GPR146: variants seen among roughly 807,000 people sequenced by gnomAD.
GPR146 encodes G-protein coupled receptor 146.
For synonymous variants in GPR146, 203 were observed against 104.3 expected, an observed-to-expected ratio of 1.95 and a Z score of -5.77; for missense variants, 381 against 213.9, an observed-to-expected ratio of 1.78 and a Z score of -4.87.
chr7:1,050,524 GC>G (rs1273680274), intron 1 of GPR146, among the ~76,000 whole-genome samples: 1 of 152,248 alleles, frequency 6.6e-6, no homozygotes, highest in Non-Finnish European at 1.5e-5. Flanking sequence ...CAAGTCCTGA[GC>G]CTGGGGCTCC....
At chr7:1,056,814 G>C (rs530099552) in intron 1 of GPR146, 28 of 143,576 alleles carry the variant, frequency 2.0e-4, no homozygotes, top group African/African-American at 7.0e-4. Flanking sequence ...TGGACATCAG[G>C]CTTCCCGAGA....
At chr7:1,046,482 T>G (rs1371500638) in intron 1 of GPR146, among the ~76,000 whole-genome samples, 3 of 152,170 alleles carry the variant, frequency 2.0e-5, no homozygotes, top group Non-Finnish European at 4.4e-5. Context: ...GCTGTCCAGT[T>G]AGCCCACATC....
At chr7:1,047,910 A>G (rs1782731374) in intron 1 of GPR146, among the ~76,000 whole-genome samples, 1 of 152,208 alleles carries the variant, frequency 6.6e-6, no homozygotes, top group African/African-American at 2.4e-5. Context: ...ACGTCACTGA[A>G]TACATCCCCT....
chr7:1,046,977 G>A (rs1416060098), intron 1 of GPR146, among the ~76,000 whole-genome samples: 1 of 152,264 alleles, frequency 6.6e-6, no homozygotes, highest in East Asian at 1.9e-4. Context: ...AGGAGCCCCG[G>A]CAGGTGCCAA....
chr7:1,057,708 T>A lies in GPR146; in HGVS notation c.193T>A (p.Tyr65Asn), dbSNP rs765028265. 3.0e-5 allele frequency: 23 copies of A among 775,718 alleles called. No individual in the cohort carries two copies. Among genetic ancestry groups the A allele is most frequent in the Non-Finnish European group, 5.3e-5 (22 of 417,430 alleles). The allele number at this position is 775,718 out of a possible 1,614,324, so 48.1% of individuals were successfully genotyped here. A position where few individuals can be genotyped will look rare whatever the true frequency, so the allele number is the denominator to read the frequency against. ...GGCCAGCATGACCATGCCGGACGTG[T>A]ACTTTGTCAACATGGCAGTGGCAGG... ...SKASMTMPDV[Y>N]FVNMAVAGLV... The change falls in exon 2 of 2, where the codon TAC (tyrosine) becomes AAC (asparagine). Residue 65 changes from tyrosine to asparagine, a missense_variant. Coordinates refer to ENST00000444847, the MANE Select transcript of GPR146 (RefSeq NM_001303473.2).
intron 1 of GPR146, among the ~76,000 whole-genome samples, chr7:1,046,958 GCTCGA>G (rs1386881958): frequency 9.8e-5 from 15 of 152,352 alleles, no homozygotes; most frequent in Non-Finnish European, 1.8e-4. Context: ...GTAAACCGGG[GCTCGA>G]CTGAGGAGCC....
At chr7:1,055,120 T>C (rs959102349) in intron 1 of GPR146, among the ~76,000 whole-genome samples, 4 of 152,080 alleles carry the variant, frequency 2.6e-5, no homozygotes, top group African/African-American at 9.7e-5. Context: ...TGAGCCAGGC[T>C]ATCAGAAAGG....
In GPR146 at chr7:1,044,625, G is replaced by C. The variant is rs1782399608; in HGVS notation, c.-58G>C. ...TCCGCCAGCCCGAGCTGCCCGCCCG[G>C]CGGCGACTGCGCCGGCCGCCGCCCA... On this transcript the variant is annotated 5_prime_UTR_variant, in exon 1 of 2. Transcript: ENST00000444847. 6.6e-6 allele frequency: 1 copy of C among 151,512 alleles called. No individual in the cohort carries two copies. Among genetic ancestry groups the C allele is most frequent in the African/African-American group, 2.4e-5 (1 of 41,364 alleles). 9.4% of individuals were successfully genotyped at this position (151,512 alleles called of 1,614,324 possible). A position where few individuals can be genotyped will look rare whatever the true frequency, so the allele number is the denominator to read the frequency against.
intron 1 of GPR146, among the ~76,000 whole-genome samples, chr7:1,054,189 G>C (rs1783475693): frequency 1.3e-5 from 2 of 152,210 alleles, no homozygotes; most frequent in African/African-American, 4.8e-5. Flanking sequence ...GGTAAAAGGA[G>C]GGCTCCAGGG....
In GPR146 at chr7:1,058,869, T is replaced by G. The variant is rs1012604327; in HGVS notation, c.*352T>G. Reference sequence around the variant, plus strand: ...TATACTTTGTGGTTAAAATACTTGATTCCCCCTTGTTTGTTTTACAAAAAC... The same window carrying G: ...TATACTTTGTGGTTAAAATACTTGAGTCCCCCTTGTTTGTTTTACAAAAAC... On this transcript the variant is annotated 3_prime_UTR_variant, in exon 2 of 2. Coordinates refer to ENST00000444847, the MANE Select transcript of GPR146 (RefSeq NM_001303473.2). 4.3e-6 allele frequency: 1 copy of G among 231,678 alleles called. No homozygotes were observed. The highest frequency in any genetic ancestry group is 9.2e-6 in the Non-Finnish European group (1 of 108,772). 14.4% of individuals were successfully genotyped at this position (231,678 alleles called of 1,614,324 possible).
chr7:1,057,789 T>G lies in GPR146; in HGVS notation c.274T>G (p.Trp92Gly). Residue 92 changes from tryptophan to glycine, a missense_variant, in exon 2 of 2, where the codon TGG (tryptophan) becomes GGG (glycine). Trp to Gly is a radical substitution (Grantham distance 184). Transcript: ENST00000444847. ...CCTGCTCGGCCCCCCGAGCTCCCGGTGGGCGCTGTGGAGTGTGGGCGGCGA... is the reference window on the plus strand; with the variant it reads ...CCTGCTCGGCCCCCCGAGCTCCCGGGGGGCGCTGTGGAGTGTGGGCGGCGA... ...VHLLGPPSSR[W>G]ALWSVGGEVH... 3.9e-6 allele frequency: 3 copies of G among 776,044 alleles called. No individual in the cohort carries two copies. Among genetic ancestry groups the G allele is most frequent in the Non-Finnish European group, 7.2e-6 (3 of 417,816 alleles). 48.1% of individuals were successfully genotyped at this position (776,044 alleles called of 1,614,324 possible).
intron 1 of GPR146, chr7:1,055,563 G>A: frequency 2.4e-6 from 1 of 411,246 alleles, no homozygotes; most frequent in Non-Finnish European, 4.9e-6. Context: ...GGGACGTGGG[G>A]GACTCTGTGC....
At chr7:1,057,236 G>T (rs1783902514) in intron 1 of GPR146, among the ~76,000 whole-genome samples, 2 of 152,144 alleles carry the variant, frequency 1.3e-5, no homozygotes, top group African/African-American at 4.8e-5. Context: ...GAGAATGTGG[G>T]GCACACCAGG....
Position 1,052,242 on chromosome 7 carries a change from G to A in GPR146, c.-24-5250G>A, listed in dbSNP as rs566715806. On this transcript the variant is annotated intron_variant, in intron 1 of 1. Coordinates refer to ENST00000444847, the MANE Select transcript of GPR146 (RefSeq NM_001303473.2). This position sits in a 1 kb window ranked among gnomAD's most constrained non-coding sequence, Gnocchi z 4.2. Reference sequence around the variant, plus strand: ...GAGGAGCCTCTGAGCAGGCGCCTGCGTCGAGGCGTGCCCTCCTGAGAGGCA... The same window carrying A: ...GAGGAGCCTCTGAGCAGGCGCCTGCATCGAGGCGTGCCCTCCTGAGAGGCA... 2.0e-5 allele frequency among the ~76,000 whole-genome samples: 3 copies of A among 152,350 alleles called. No individual in the cohort carries two copies. The highest frequency in any genetic ancestry group is 4.4e-5 in the Non-Finnish European group (3 of 68,032).
At chr7:1,050,813 A>G (rs1202129330) in intron 1 of GPR146, among the ~76,000 whole-genome samples, 1 of 152,210 alleles carries the variant, frequency 6.6e-6, no homozygotes, top group Non-Finnish European at 1.5e-5. Flanking sequence ...GGCACACCGG[A>G]AACAGCGACA....
At chr7:1,047,908 G>A (rs989808071) in intron 1 of GPR146, among the ~76,000 whole-genome samples, 3 of 152,202 alleles carry the variant, frequency 2.0e-5, no homozygotes, top group Admixed American at 6.5e-5. Flanking sequence ...TTACGTCACT[G>A]AATACATCCC....
intron 1 of GPR146, among the ~76,000 whole-genome samples, chr7:1,049,430 G>A (rs1016849154): frequency 6.6e-6 from 1 of 152,182 alleles, no homozygotes; most frequent in Non-Finnish European, 1.5e-5. Flanking sequence ...GGGAAACCGA[G>A]GCACACAGCA....
In GPR146 at chr7:1,057,853, C is replaced by T. The variant is rs1169083914; in HGVS notation, c.338C>T (p.Ser113Leu). 3.9e-6 allele frequency: 3 copies of T among 777,674 alleles called. No homozygotes were observed. The highest frequency in any genetic ancestry group is 7.2e-6 in the Non-Finnish European group (3 of 418,044). 48.2% of individuals were successfully genotyped at this position (777,674 alleles called of 1,614,324 possible). Residue 113 changes from serine to leucine, a missense_variant, in exon 2 of 2, where the codon TCA becomes TTA. Coordinates refer to ENST00000444847, the MANE Select transcript of GPR146 (RefSeq NM_001303473.2). The part of the protein sequence containing the change: ...VALQIPFNVS[S>L]LVAMYSTALL... ...CTGCAGATCCCCTTCAATGTGTCCT[C>T]ACTGGTGGCCATGTACTCCACCGCC...
Position 1,052,241 on chromosome 7 carries a change from C to T in GPR146, c.-24-5251C>T, listed in dbSNP as rs1433255996. On this transcript the variant is annotated intron_variant, in intron 1 of 1. Coordinates refer to ENST00000444847, the MANE Select transcript of GPR146 (RefSeq NM_001303473.2). The surrounding 1 kb of genome is among the most constrained non-coding windows in gnomAD (Gnocchi z 4.2). ...TGAGGAGCCTCTGAGCAGGCGCCTG[C>T]GTCGAGGCGTGCCCTCCTGAGAGGC... 2.0e-5 allele frequency among the ~76,000 whole-genome samples: 3 copies of T among 152,358 alleles called. No individual in the cohort carries two copies. The highest frequency in any genetic ancestry group is 7.2e-5 in the African/African-American group (3 of 41,592).
Sources: gnomAD v4.1 joint callset for allele counts (sites outside exome capture counted in the v4.1 genomes callset) on GRCh38, gnomAD v4.1.1 for gene constraint, Gnocchi (gnomAD v3.1) non-coding constraint, MANE v1.5 for transcripts, NCBI Gene and HGNC (gene_info 2026-07-23, HGNC 2026-07-21) for gene names.